Variants in DPT observed in about 807,000 individuals in gnomAD.
The protein encoded by DPT is tyrosine-rich acidic matrix protein.
DPT carries 21 observed loss-of-function variants against 31.2 expected under a neutral mutation model. That is an observed-to-expected ratio of 0.67 (90% confidence interval 0.48 to 0.97). The LOEUF (loss-of-function observed/expected upper bound fraction) is 0.97, where lower values mean the gene tolerates loss of function less well. Ranked by LOEUF, DPT falls within the 50% of genes least tolerant of loss-of-function variation. The probability of loss-of-function intolerance (pLI) is 0.00; values close to 1 mark genes in which losing one functional copy is unlikely to be tolerated. For synonymous variants in DPT, 91 were observed against 86.9 expected (o/e 1.05, Z -0.26); for missense variants, 262 against 258.8 (o/e 1.01, Z -0.08).
chr1:168,714,096 G>T lies in DPT; in HGVS notation c.431+125C>A, dbSNP rs949128294. On this transcript the variant is annotated intron_variant, in intron 2 of 3. Coordinates refer to ENST00000367817, the MANE Select transcript of DPT (RefSeq NM_001937.5). ...CCTCCTAAGTCATTCATTCATTCTT[G>T]TCTATATGCCAGCGCTGCCTTCCAG... is the stretch of plus-strand genomic sequence containing the variant. The T allele has an allele frequency of 8.7e-6, 11 of 1,270,858 alleles. No individual in the cohort carries two copies. In the Admixed American group the frequency reaches 9.1e-5, roughly 10 times the overall value. 78.7% of individuals were successfully genotyped at this position (1,270,858 alleles called of 1,614,324 possible).
intron 1 of DPT, among the ~76,000 whole-genome samples, chr1:168,717,068 C>T (rs1222359838): frequency 6.6e-6 from 1 of 152,102 alleles, no homozygotes; most frequent in African/African-American, 2.4e-5. Flanking sequence ...GGGTATATAC[C>T]CATTAATGGG....
chr1:168,711,614 C>T (rs112692046), intron 2 of DPT, among the ~76,000 whole-genome samples: 14 of 152,324 alleles, frequency 9.2e-5, no homozygotes, highest in African/African-American at 3.1e-4. Context: ...CTCTGCATAA[C>T]CAACCCCGCT....
intron 3 of DPT, among the ~76,000 whole-genome samples, chr1:168,699,668 AAC>A (rs1191816482): frequency 1.3e-5 from 2 of 152,068 alleles, no homozygotes; most frequent in Non-Finnish European, 2.9e-5. Context: ...TCTGTTTGAA[AAC>A]ACAGACACAC....
intron 1 of DPT, among the ~76,000 whole-genome samples, chr1:168,719,684 G>T (rs191608475): frequency 6.6e-6 from 1 of 151,862 alleles, no homozygotes; most frequent in African/African-American, 2.4e-5. Context: ...CTAATATCCT[G>T]GTGAATTGTA....
At chr1:168,721,395 C>T (rs1442101283) in intron 1 of DPT, among the ~76,000 whole-genome samples, 2 of 152,100 alleles carry the variant, frequency 1.3e-5, no homozygotes, top group Non-Finnish European at 2.9e-5. Context: ...CCTGGCACAA[C>T]GTATATAATT....
chr1:168,717,866 C>T (rs1163143583), intron 1 of DPT, among the ~76,000 whole-genome samples: 3 of 152,194 alleles, frequency 2.0e-5, no homozygotes, highest in African/African-American at 7.2e-5. Flanking sequence ...CTTCAGCAAG[C>T]TATATGAGTG....
chr1:168,713,917 G>A (rs1357609233), intron 2 of DPT, among the ~76,000 whole-genome samples: 1 of 152,144 alleles, frequency 6.6e-6, no homozygotes, highest in Non-Finnish European at 1.5e-5. Context: ...TGGGATGGGA[G>A]TCATTAGGCC....
At chr1:168,701,628 T>G (rs1404498116) in intron 2 of DPT, among the ~76,000 whole-genome samples, 1 of 152,218 alleles carries the variant, frequency 6.6e-6, no homozygotes, top group Non-Finnish European at 1.5e-5. Flanking sequence ...GTTTATAAGA[T>G]GTACATATTG....
chr1:168,715,412 C>T (rs1210838344), intron 1 of DPT, among the ~76,000 whole-genome samples: 1 of 151,990 alleles, frequency 6.6e-6, no homozygotes. Flanking sequence ...TGCTACTTAT[C>T]CAGGAATCTT....
At chr1:168,714,483 A>G (rs1457291507) in intron 1 of DPT, 137 bp from the exon 2 acceptor site, 1 of 1,123,882 alleles carries the variant, frequency 8.9e-7, no homozygotes, top group Admixed American at 2.8e-5. Context: ...TGCAAATAAT[A>G]GTCTTTATTA....
chr1:168,714,198 GT>G, intron 2 of DPT, 22 bp downstream of exon 2: 1 of 1,613,940 alleles, frequency 6.2e-7, no homozygotes, highest in African/African-American at 1.3e-5. Flanking sequence ...AGTCATGAGG[GT>G]TTGGTCGGCT....
chr1:168,725,670 T>G (rs941599325), intron 1 of DPT, among the ~76,000 whole-genome samples: 2 of 152,134 alleles, frequency 1.3e-5, no homozygotes, highest in South Asian at 4.1e-4. Flanking sequence ...AGCCGGCACT[T>G]GAAGAGGTGA....
intron 3 of DPT, among the ~76,000 whole-genome samples, chr1:168,697,839 T>A (rs1572622710): frequency 6.6e-6 from 1 of 152,338 alleles, no homozygotes; most frequent in South Asian, 2.1e-4. Flanking sequence ...AATTTCAGAT[T>A]CGCAGTTTAT....
At position 168,695,545 on chromosome 1, in the gene DPT, A is replaced by G. The variant is rs1227827700; in HGVS notation, c.*1004T>C. 2 of 152,122 alleles carry G rather than the reference A, an allele frequency of 1.3e-5. No homozygotes were observed. The highest frequency in any genetic ancestry group is 2.1e-4 in the South Asian group (1 of 4,796). The allele number at this position is 152,122 out of a possible 1,614,324, so 9.4% of individuals were successfully genotyped here. On this transcript the variant is annotated 3_prime_UTR_variant, in exon 4 of 4. Coordinates refer to ENST00000367817, the MANE Select transcript of DPT (RefSeq NM_001937.5). Reference sequence around the variant, plus strand: ...GGAGCAGGACATCACAGGAGGAGGAAAGATAGCGCCATCTCTGCAGAAGAA... The same window carrying G: ...GGAGCAGGACATCACAGGAGGAGGAGAGATAGCGCCATCTCTGCAGAAGAA...
chr1:168,715,572 A>T (rs1342364974), intron 1 of DPT, among the ~76,000 whole-genome samples: 1 of 148,226 alleles, frequency 6.7e-6, no homozygotes, highest in Non-Finnish European at 1.5e-5. Context: ...ATTATAATTC[A>T]TTTTACTGGA....
At chr1:168,696,747 T>C in intron 3 of DPT, 132 bp from the exon 4 acceptor site, 1 of 764,260 alleles carries the variant, frequency 1.3e-6, no homozygotes, top group South Asian at 1.8e-5. Flanking sequence ...CTCACTTTGC[T>C]CTTAGAAGAC....
chr1:168,726,794 T>G (rs1650253684), intron 1 of DPT, among the ~76,000 whole-genome samples: 1 of 152,106 alleles, frequency 6.6e-6, no homozygotes, highest in Admixed American at 6.5e-5. Context: ...CTGTGAGGAG[T>G]CATGGAGACA....
At chr1:168,698,620 T>C (rs1024461836) in intron 3 of DPT, among the ~76,000 whole-genome samples, 4 of 152,142 alleles carry the variant, frequency 2.6e-5, no homozygotes, top group African/African-American at 9.7e-5. Context: ...CCCAAGGGAA[T>C]ACTTGGCAAT....
At position 168,729,170 on chromosome 1, in the gene DPT, T is replaced by G. The variant is rs183286520; in HGVS notation, c.5A>C (p.Asp2Ala). 1.4e-4 allele frequency: 233 copies of G among 1,612,086 alleles called. No homozygotes were observed. The Admixed American group carries it at 3.8e-3, about 26-fold the overall frequency. M[D>A]LSLLWVLLPL... ...CAGAAGTACCCAGAGAAGACTGAGGTCCATGCTGCCTGGGATTTTGGCAAA... is the reference window on the plus strand; with the variant it reads ...CAGAAGTACCCAGAGAAGACTGAGGGCCATGCTGCCTGGGATTTTGGCAAA... Residue 2 changes from aspartate (D) to alanine (A), a missense_variant, in exon 1 of 4, where the codon GAC becomes GCC. Physicochemically the swap from Asp to Ala is moderately radical, Grantham distance 126. Coordinates refer to ENST00000367817, the MANE Select transcript of DPT (RefSeq NM_001937.5).
Sources: gnomAD v4.1 joint callset for allele counts (sites outside exome capture counted in the v4.1 genomes callset) on GRCh38, gnomAD v4.1.1 for gene constraint, MANE v1.5 for transcripts, NCBI Gene and HGNC (gene_info 2026-07-23, HGNC 2026-07-21) for gene names.